The following GSN variants were observed in gnomAD, a reference collection of about 807,000 sequenced individuals.
The protein encoded by GSN is gelsolin.
Under a neutral mutation model 85.7 loss-of-function variants are expected in GSN, and 56 were observed. The observed-to-expected ratio is 0.65, with a 90% CI of 0.53 to 0.82. The LOEUF (loss-of-function observed/expected upper bound fraction) is 0.82, where lower values mean the gene tolerates loss of function less well. Among genes scored for constraint, GSN ranks in the 40% least tolerant of loss-of-function variants. The probability of loss-of-function intolerance (pLI) is 0.00; values close to 1 mark genes in which losing one functional copy is unlikely to be tolerated. For synonymous variants in GSN, 373 were observed against 399.1 expected (o/e 0.93, Z 0.78); for missense variants, 857 against 979.8 (o/e 0.87, Z 1.67).
intron 8 of GSN, chr9:121,317,921 T>G (rs953780661): frequency 9.2e-6 from 2 of 218,252 alleles, no homozygotes; most frequent in Non-Finnish European, 1.8e-5. Context: ...GGCCAGCTGA[T>G]CTGGACCTTG....
At chr9:121,278,912 G>T (rs1416862873) in intron 1 of GSN, among the ~76,000 whole-genome samples, 1 of 152,260 alleles carries the variant, frequency 6.6e-6, no homozygotes, top group East Asian at 1.9e-4. Context: ...GGCAGCATCT[G>T]CACTCTTTGC....
intron 5 of GSN, chr9:121,311,985 G>C (rs940506725): frequency 1.6e-5 from 4 of 252,630 alleles, no homozygotes; most frequent in Non-Finnish European, 3.1e-5. Flanking sequence ...AGGATTGCTG[G>C]GTCATAAGGA....
intron 17 of GSN, chr9:121,331,939 C>G: frequency 4.9e-6 from 1 of 204,158 alleles, no homozygotes; most frequent in South Asian, 9.1e-5. Flanking sequence ...ACCCGTGGTC[C>G]CAGCTACTCA....
At chr9:121,314,244 A>G (rs868237028) in intron 7 of GSN, among the ~76,000 whole-genome samples, 25 of 152,348 alleles carry the variant, frequency 1.6e-4, no homozygotes, top group Admixed American at 5.2e-4. Context: ...ACGCTCATAC[A>G]TGAGGTCTCT....
chr9:121,314,154 A>G, intron 7 of GSN, 131 bp downstream of exon 7: 2 of 745,138 alleles, frequency 2.7e-6, no homozygotes, highest in South Asian at 2.9e-5. Flanking sequence ...CAGCTTTCTC[A>G]CGTCTCCAGT....
intron 6 of GSN, among the ~76,000 whole-genome samples, chr9:121,259,972 C>T (rs1353292005): frequency 6.6e-6 from 1 of 152,178 alleles, no homozygotes; most frequent in Admixed American, 6.5e-5. Flanking sequence ...ACATGTAGGG[C>T]ATCTGGAGAC....
intron 5 of GSN, among the ~76,000 whole-genome samples, chr9:121,247,630 TA>T (rs1348316204): frequency 6.6e-6 from 1 of 152,254 alleles, no homozygotes; most frequent in African/African-American, 2.4e-5. Context: ...ATCACTAATC[TA>T]GGCAATAGCT....
In GSN at chr9:121,311,137, GCAAA is replaced by G. The variant is rs1382977008; in HGVS notation, c.513+295_513+298del. ...GCTTATAAATATATAACAGTCATGG[GCAAA>G]CACTCTGGGCTTTTGCCCACCAGGT... On this transcript the variant is annotated intron_variant, in intron 5 of 17. Transcript: ENST00000432226. 8.9e-6 allele frequency: 4 copies of G among 450,370 alleles called. No homozygotes were observed. In the Admixed American group the frequency reaches 1.1e-4, roughly 12 times the overall value. The allele number at this position is 450,370 out of a possible 1,614,324, so 27.9% of individuals were successfully genotyped here. A position where few individuals can be genotyped will look rare whatever the true frequency, so the allele number is the denominator to read the frequency against.
At chr9:121,306,033 C>G (rs2060381516) in intron 4 of GSN, among the ~76,000 whole-genome samples, 1 of 152,230 alleles carries the variant, frequency 6.6e-6, no homozygotes, top group Non-Finnish European at 1.5e-5. Context: ...ACCCCCAAAT[C>G]CTTAGATCAC....
At chr9:121,239,326 C>A in intron 5 of GSN, 2 of 416,890 alleles carry the variant, frequency 4.8e-6, no homozygotes, top group Non-Finnish European at 4.6e-6. Flanking sequence ...GGCAATCCAC[C>A]CAATAGTTGG....
At chr9:121,250,997 A>AT (rs924307066) in intron 6 of GSN, among the ~76,000 whole-genome samples, 27 of 146,068 alleles carry the variant, frequency 1.8e-4, no homozygotes, top group East Asian at 8.0e-4. Context: ...AATTTTTTGT[A>AT]TTTTTTTTTG....
intron 2 of GSN, among the ~76,000 whole-genome samples, chr9:121,289,735 G>A (rs984271941): frequency 5.9e-5 from 9 of 152,202 alleles, no homozygotes; most frequent in African/African-American, 2.2e-4. Context: ...GCTAGACCTT[G>A]GTCTCCCGGA....
intron 2 of GSN, among the ~76,000 whole-genome samples, chr9:121,209,886 G>A (rs1029559454): frequency 2.0e-5 from 3 of 152,230 alleles, no homozygotes; most frequent in Admixed American, 6.5e-5. Flanking sequence ...AATAATTGGA[G>A]AGAAGAGATG....
At chr9:121,226,410 T>C (rs530946468) in intron 4 of GSN, among the ~76,000 whole-genome samples, 32 of 152,292 alleles carry the variant, frequency 2.1e-4, no homozygotes, top group African/African-American at 7.0e-4. Flanking sequence ...GCCTCTTGAC[T>C]GAGTCATAGG....
At chr9:121,269,751 G>A (rs2055648814) in intron 1 of GSN, among the ~76,000 whole-genome samples, 1 of 152,182 alleles carries the variant, frequency 6.6e-6, no homozygotes. Context: ...AATCAGGGGA[G>A]GAAAGTTTAC....
At chr9:121,316,255 A>G (rs2061689060) in intron 7 of GSN, among the ~76,000 whole-genome samples, 1 of 152,248 alleles carries the variant, frequency 6.6e-6, no homozygotes, top group Non-Finnish European at 1.5e-5. Flanking sequence ...TAAAGATAGT[A>G]CAAAGAGTTC....
intron 6 of GSN, among the ~76,000 whole-genome samples, chr9:121,256,518 G>A (rs1366253492): frequency 6.6e-6 from 1 of 152,054 alleles, no homozygotes; most frequent in Non-Finnish European, 1.5e-5. Flanking sequence ...TGGCTGGGGA[G>A]GGTAAGGAGG....
intron 5 of GSN, chr9:121,238,689 T>C (rs1409262366): frequency 1.9e-5 from 7 of 366,132 alleles, no homozygotes; most frequent in Non-Finnish European, 3.2e-5. Flanking sequence ...CAGCATATCT[T>C]TGGGGAAGAT....
intron 4 of GSN, chr9:121,309,430 A>G (rs2060818618): frequency 1.3e-5 from 2 of 152,326 alleles, no homozygotes; most frequent in African/African-American, 2.4e-5. Flanking sequence ...GGAAAGGGCA[A>G]GTGACTTACC....
Sources: allele counts gnomAD v4.1 joint callset (sites outside exome capture counted in the v4.1 genomes callset), GRCh38; gene constraint gnomAD v4.1.1; transcripts MANE v1.5; gene names NCBI Gene and HGNC (gene_info 2026-07-23, HGNC 2026-07-21).